The following RAB14 variants were observed in gnomAD, a reference collection of about 807,000 sequenced individuals.
RAB14 encodes the protein RAB14, member RAS oncogene family.
A neutral mutation model predicts 31.1 loss-of-function variants in RAB14; 3 were observed. The ratio of observed to expected loss-of-function variants is 0.10; its 90% CI spans 0.04 to 0.25. RAB14 has a LOEUF of 0.25. RAB14 is among the 10% of genes least tolerant of loss of function. The probability of loss-of-function intolerance (pLI) is 1.00; values close to 1 mark genes in which losing one functional copy is unlikely to be tolerated. For synonymous variants in RAB14, 85 were observed against 84.9 expected (o/e 1.00, Z 0.00); for missense variants, 111 against 260.1 (o/e 0.43, Z 3.94).
At chr9:121,197,518 T>C (rs962881183) in intron 1 of RAB14, among the ~76,000 whole-genome samples, 1 of 152,204 alleles carries the variant, frequency 6.6e-6, no homozygotes, top group Non-Finnish European at 1.5e-5. Flanking sequence ...AAGTGGTTAC[T>C]GAACAAATAT....
chr9:121,182,871 C>A (rs1210275064), intron 7 of RAB14, 59 bp downstream of exon 7: 1 of 1,436,822 alleles, frequency 7.0e-7, no homozygotes. Context: ...TTCATATATA[C>A]GGTTCTACTT....
intron 7 of RAB14, among the ~76,000 whole-genome samples, chr9:121,181,988 C>A (rs573320396): frequency 7.2e-5 from 11 of 151,996 alleles, no homozygotes; most frequent in Non-Finnish European, 1.6e-4. Flanking sequence ...CCTCGTGATC[C>A]GCCTGCCTTG....
rs1490319427 is a variant in RAB14 at position 121,194,090 on chromosome 9, TCACTCACACACACACA to T, written c.-7-687_-7-672del. Reference sequence around the variant, plus strand: ...AACCTAATACAGGACTTGCAGATTATCACTCACACACACACACACACACACACACACACACACACAT... The same window carrying T: ...AACCTAATACAGGACTTGCAGATTATCACACACACACACACACACACACAT... On this transcript the variant is annotated intron_variant, in intron 1 of 7. Transcript: ENST00000373840. Among the ~76,000 whole-genome samples, 122 of 141,402 alleles carry T rather than the reference TCACTCACACACACACA, an allele frequency of 8.6e-4. 1 individual carries two copies. Among genetic ancestry groups the T allele is most frequent in the African/African-American group, 2.4e-3 (85 of 34,748 alleles). 92.8% of individuals were successfully genotyped at this position (141,402 alleles called of 152,430 possible).
intron 6 of RAB14, 65 bp from the exon 7 acceptor site, chr9:121,183,025 T>G (rs975217779): frequency 2.1e-6 from 3 of 1,463,190 alleles, no homozygotes; most frequent in Non-Finnish European, 2.8e-6. Flanking sequence ...ACTTCTTTAG[T>G]AACATCTGAA....
At position 121,201,641 on chromosome 9, in the gene RAB14, G is replaced by C. The variant is rs1588378742; in HGVS notation, c.-10C>G. 6.5e-6 allele frequency: 1 copy of C among 152,770 alleles called. No homozygotes were observed. Among genetic ancestry groups the C allele is most frequent in the Non-Finnish European group, 1.5e-5 (1 of 68,444 alleles). The allele number at this position is 152,770 out of a possible 1,614,324, so 9.5% of individuals were successfully genotyped here. On this transcript the variant is annotated splice_region_variant and 5_prime_UTR_variant, in exon 1 of 8. Transcript: ENST00000373840. ...ACACTACGGAAGGCCCGGGTTACCT[G>C]GGGGGTTGCTGGTGGCTGGGCAGCT...
At chr9:121,186,164 A>G (rs774044749) in intron 5 of RAB14, among the ~76,000 whole-genome samples, 4 of 152,096 alleles carry the variant, frequency 2.6e-5, no homozygotes, top group Non-Finnish European at 5.9e-5. Context: ...ACCCTCAACA[A>G]TATCTACTGA....
chr9:121,183,259 C>T, intron 6 of RAB14, 52 bp downstream of exon 6: 3 of 1,450,736 alleles, frequency 2.1e-6, no homozygotes, highest in Non-Finnish European at 2.9e-6. Flanking sequence ...TCAAGCCCAC[C>T]TTTCCTTAAA....
chr9:121,192,171 A>ATT lies in RAB14; in HGVS notation c.104_105dup (p.Phe36AsnfsTer18). The ATT allele has an allele frequency of 1.3e-6, 2 of 1,576,912 alleles. No individual in the cohort carries two copies. The highest frequency in any genetic ancestry group is 1.4e-5 in the African/African-American group (1 of 73,836). On this transcript the variant is annotated frameshift_variant and splice_region_variant, in exon 3 of 8. Coordinates refer to ENST00000373840, the MANE Select transcript of RAB14 (RefSeq NM_016322.4). LOFTEE classifies it high-confidence loss of function. ...TGTTTACCTCATGTATTGAACTTAC[A>ATT]TTTTTTTTCTGTAAATTGATGAAGC...
chr9:121,187,369 T>C (rs558898501), intron 4 of RAB14, among the ~76,000 whole-genome samples: 3 of 152,050 alleles, frequency 2.0e-5, no homozygotes, highest in Non-Finnish European at 2.9e-5. Flanking sequence ...TTTGAAATCA[T>C]ACAGACTTTC....
rs2053619938 is a variant in RAB14, at chr9:121,179,333, AG to A, written c.*2062del. On this transcript the variant is annotated 3_prime_UTR_variant, in exon 8 of 8. Transcript: ENST00000373840. ...ACAGGTACTTTATTTACAAATATTT[AG>A]ATTAATAGCATTTTGTTACATCAAA... 1 of 152,686 alleles carries A rather than the reference AG, an allele frequency of 6.5e-6. No individual in the cohort carries two copies. The highest frequency in any genetic ancestry group is 2.1e-4 in the South Asian group (1 of 4,834). The allele number at this position is 152,686 out of a possible 1,614,324, so 9.5% of individuals were successfully genotyped here.
At chr9:121,185,358 C>T (rs2053653357) in intron 5 of RAB14, among the ~76,000 whole-genome samples, 1 of 152,156 alleles carries the variant, frequency 6.6e-6, no homozygotes, top group South Asian at 2.1e-4. Flanking sequence ...AACCAGGAAA[C>T]TGACATTGGT....
chr9:121,188,709 T>C (rs1535656), intron 4 of RAB14, among the ~76,000 whole-genome samples: 16,906 of 151,892 alleles, frequency 0.11, 1,167 homozygotes, highest in East Asian at 0.19. Flanking sequence ...CAGAAAAAAA[T>C]TGCTGTCATG....
Position 121,181,580 on chromosome 9 carries a change from G to A in RAB14, c.471-7C>T, listed in dbSNP as rs2053632968. 2.5e-6 allele frequency: 4 copies of A among 1,598,178 alleles called. No individual in the cohort carries two copies. The highest frequency in any genetic ancestry group is 2.2e-5 in the South Asian group (2 of 90,534). ...ATCTTCTACATTCTCTCCCCTAAGA[G>A]GCAATTGATAACTTTATTGGAGAAC... On this transcript the variant is annotated splice_region_variant and splice_polypyrimidine_tract_variant and intron_variant, in intron 7 of 7. Coordinates refer to ENST00000373840, the MANE Select transcript of RAB14 (RefSeq NM_016322.4).
At chr9:121,190,791 A>AG (rs945190159) in intron 3 of RAB14, 60 bp from the exon 4 acceptor site, 91 of 1,538,444 alleles carry the variant, frequency 5.9e-5, no homozygotes, top group Non-Finnish European at 7.9e-5. Flanking sequence ...TTAAGCCTAG[A>AG]GGGGGAAAAT....
At chr9:121,189,854 G>T (rs1023974585) in intron 4 of RAB14, among the ~76,000 whole-genome samples, 8 of 152,016 alleles carry the variant, frequency 5.3e-5, no homozygotes, top group African/African-American at 9.7e-5. Context: ...CAACATGAAA[G>T]GTGATCCAGT....
At chr9:121,189,185 C>T (rs574447711) in intron 4 of RAB14, among the ~76,000 whole-genome samples, 1 of 152,134 alleles carries the variant, frequency 6.6e-6, no homozygotes, top group East Asian at 1.9e-4. Context: ...CAGTGTTTAT[C>T]CATTCATCAG....
Position 121,183,345 on chromosome 9 carries a change from T to C in RAB14, c.405A>G (p.Thr135=). The C allele has an allele frequency of 6.2e-7, 1 of 1,611,388 alleles. No individual in the cohort carries two copies. ...CAGCAAACTGTTTGGCTTCTTCATA[T>C]GTAACATCTCTCTGTGCCTCCAAAT... ...KADLEAQRDV[T]YEEAKQFAEE... Residue 135 remains threonine (T), a synonymous_variant, in exon 6 of 8, where the codon ACA becomes ACG. Transcript: ENST00000373840.
chr9:121,186,156 C>T (rs2053658048), intron 5 of RAB14, among the ~76,000 whole-genome samples: 1 of 152,004 alleles, frequency 6.6e-6, no homozygotes, highest in African/African-American at 2.4e-5. Context: ...CCTGGCATAC[C>T]CTCAACAATA....
intron 1 of RAB14, among the ~76,000 whole-genome samples, chr9:121,196,436 C>T (rs913863343): frequency 3.9e-5 from 6 of 152,146 alleles, no homozygotes; most frequent in African/African-American, 1.2e-4. Flanking sequence ...ATATGCCGGG[C>T]AATGTGCTAA....
Sources: gnomAD v4.1 joint callset for allele counts (sites outside exome capture counted in the v4.1 genomes callset) on GRCh38, gnomAD v4.1.1 for gene constraint, MANE v1.5 for transcripts, NCBI Gene and HGNC (gene_info 2026-07-23, HGNC 2026-07-21) for gene names.